The following UGT1A7 variants were observed in gnomAD, a reference collection of about 807,000 sequenced individuals.
UGT1A7 encodes UDP glucuronosyltransferase family 1 member A7, also known as UDP-glucuronosyltransferase 1A7.
In UGT1A7, 33 loss-of-function variants were observed where a neutral mutation model predicts 45.6. The observed-to-expected ratio is 0.72, with a 90% confidence interval of 0.55 to 0.97. UGT1A7 has a LOEUF of 0.97. Ranked by LOEUF, UGT1A7 falls within the 50% of genes least tolerant of loss-of-function variation. The pLI is 0.00. For missense variants in UGT1A7, 684 were observed against 666.2 expected (o/e 1.03, Z -0.29); for synonymous variants, 274 against 250.6 (o/e 1.09, Z -0.88).
chr2:233,749,735 T>C (rs1694263378), intron 1 of UGT1A7, among the ~76,000 whole-genome samples: 1 of 151,892 alleles, frequency 6.6e-6, no homozygotes, highest in Non-Finnish European at 1.5e-5. Context: ...CACCTGCTGG[T>C]CTCATCATAG....
At position 233,725,197 on chromosome 2, in the gene UGT1A7, C is replaced by G. The variant is rs183860264; in HGVS notation, c.856-41837C>G. 1.8e-3 allele frequency among the ~76,000 whole-genome samples: 143 copies of G among 80,676 alleles called. 7 individuals are homozygous for G. The highest frequency in any genetic ancestry group is 6.4e-3 in the Middle Eastern group (1 of 156). The allele number at this position is 80,676 out of a possible 152,430, so 52.9% of individuals were successfully genotyped here. A position where few individuals can be genotyped will look rare whatever the true frequency, so the allele number is the denominator to read the frequency against. On this transcript the variant is annotated intron_variant, in intron 1 of 4. Transcript: ENST00000373426. ...CCGTGGGGAGAGGCAGAGGCAGAGG[C>G]AGAGGCAGAGGCAGAGGCAGAGGAG...
At chr2:233,700,791 A>C (rs1037537460) in intron 1 of UGT1A7, among the ~76,000 whole-genome samples, 1 of 152,118 alleles carries the variant, frequency 6.6e-6, no homozygotes, top group Non-Finnish European at 1.5e-5. Context: ...TTACATATGT[A>C]TACATGTGCC....
At chr2:233,701,957 A>T (rs1342088901) in intron 1 of UGT1A7, among the ~76,000 whole-genome samples, 1 of 152,218 alleles carries the variant, frequency 6.6e-6, no homozygotes, top group Non-Finnish European at 1.5e-5. Context: ...GAGCAAACAC[A>T]TTCAAAAGCT....
rs567676971 is a variant in UGT1A7 at position 233,725,173 on chromosome 2, C to T, written c.856-41861C>T. 7.4e-5 allele frequency among the ~76,000 whole-genome samples: 7 copies of T among 94,254 alleles called. 2 individuals are homozygous for T. The highest frequency in any genetic ancestry group is 3.8e-4 in the African/African-American group (6 of 15,610). 61.8% of individuals were successfully genotyped at this position (94,254 alleles called of 152,430 possible). Reference sequence around the variant, plus strand: ...CTTCGGCTCTGCATGAGAGGGAGACCGTGGGGAGAGGCAGAGGCAGAGGCA... The same window carrying T: ...CTTCGGCTCTGCATGAGAGGGAGACTGTGGGGAGAGGCAGAGGCAGAGGCA... On this transcript the variant is annotated intron_variant, in intron 1 of 4. Transcript: ENST00000373426.
chr2:233,755,285 A>G (rs1468695441), intron 1 of UGT1A7: 11 of 681,694 alleles, frequency 1.6e-5, no homozygotes, highest in Non-Finnish European at 2.3e-6. Context: ...ACTGCCAAAG[A>G]GCCTGCGGGG....
At chr2:233,700,875 CCCCCA>C (rs555944194) in intron 1 of UGT1A7, among the ~76,000 whole-genome samples, 3 of 152,002 alleles carry the variant, frequency 2.0e-5, no homozygotes, top group Non-Finnish European at 4.4e-5. Context: ...CTCCCTCCTC[CCCCCA>C]CCCCACAACA....
rs780016114 is a variant in UGT1A7, at chr2:233,760,397, G to T, written c.856-6637G>T. 2.0e-5 allele frequency: 33 copies of T among 1,614,006 alleles called. No homozygotes were observed. The highest frequency in any genetic ancestry group is 2.7e-5 in the Non-Finnish European group (32 of 1,180,022). The stretch of plus-strand genomic sequence containing the variant: ...AAGATACTGTTGATCCCAGTGGATG[G>T]CAGCCACTGGCTGAGCATGCTTGGG... On this transcript the variant is annotated intron_variant, in intron 1 of 4. Coordinates refer to ENST00000373426, the MANE Select transcript of UGT1A7 (RefSeq NM_019077.3).
chr2:233,703,579 A>G (rs2075744144), intron 1 of UGT1A7, among the ~76,000 whole-genome samples: 2 of 151,928 alleles, frequency 1.3e-5, no homozygotes, highest in South Asian at 4.1e-4. Context: ...TAAGGTCTAT[A>G]TTATCTTGCT....
At chr2:233,719,572 A>C in intron 1 of UGT1A7, 1 of 1,613,858 alleles carries the variant, frequency 6.2e-7, no homozygotes, top group South Asian at 1.1e-5. Flanking sequence ...CTTGTCAGCT[A>C]TGCATCCGTG....
At chr2:233,768,093 C>T in intron 3 of UGT1A7, 127 bp from the exon 4 acceptor site, 1 of 1,591,452 alleles carries the variant, frequency 6.3e-7, no homozygotes, top group Non-Finnish European at 8.6e-7. Context: ...CCCACATTTT[C>T]TTCTGCAAAT....
intron 1 of UGT1A7, among the ~76,000 whole-genome samples, chr2:233,711,310 G>T (rs1337998039): frequency 6.6e-6 from 1 of 152,194 alleles, no homozygotes; most frequent in Non-Finnish European, 1.5e-5. Context: ...AGATGACATT[G>T]GTGTCTAAAC....
intron 1 of UGT1A7, among the ~76,000 whole-genome samples, chr2:233,762,202 T>C (rs1698001296): frequency 2.0e-5 from 3 of 152,160 alleles, no homozygotes; most frequent in Admixed American, 1.3e-4. Flanking sequence ...GGTCTGCATG[T>C]ATTTGGCGCC....
intron 1 of UGT1A7, chr2:233,713,817 A>C: frequency 1.2e-6 from 2 of 1,614,092 alleles, no homozygotes; most frequent in East Asian, 2.2e-5. Flanking sequence ...CATGGTCTTC[A>C]TTGGGGGCAT....
At chr2:233,739,301 C>A (rs1691042342) in intron 1 of UGT1A7, among the ~76,000 whole-genome samples, 1 of 152,160 alleles carries the variant, frequency 6.6e-6, no homozygotes, top group Non-Finnish European at 1.5e-5. Context: ...TGGGGCACTG[C>A]CTAGTGGAGT....
At chr2:233,693,644 G>A in intron 1 of UGT1A7, 1 of 1,614,158 alleles carries the variant, frequency 6.2e-7, no homozygotes, top group Non-Finnish European at 8.5e-7. Flanking sequence ...CAACTTCCTT[G>A]TTAATTTGTT....
intron 1 of UGT1A7, among the ~76,000 whole-genome samples, chr2:233,761,874 G>A (rs569608885): frequency 2.0e-5 from 3 of 152,320 alleles, no homozygotes; most frequent in East Asian, 1.9e-4. Context: ...TTCAGAGAGC[G>A]TTCATTCACT....
At chr2:233,704,122 C>T (rs1488202849) in intron 1 of UGT1A7, among the ~76,000 whole-genome samples, 2 of 152,014 alleles carry the variant, frequency 1.3e-5, no homozygotes, top group African/African-American at 4.8e-5. Flanking sequence ...AACTCCTTAC[C>T]TCAAGTGATC....
At chr2:233,733,474 A>T (rs894713711) in intron 1 of UGT1A7, among the ~76,000 whole-genome samples, 1 of 152,316 alleles carries the variant, frequency 6.6e-6, no homozygotes, top group Admixed American at 6.5e-5. Context: ...TTATTTTGAG[A>T]TACTTCCATC....
chr2:233,760,477 G>A (rs775184773), intron 1 of UGT1A7: 6 of 1,614,242 alleles, frequency 3.7e-6, no homozygotes, highest in South Asian at 2.2e-5. Flanking sequence ...AGCACCTGAC[G>A]CCTCGTTGTA....
Sources: gnomAD v4.1 joint callset for allele counts (sites outside exome capture counted in the v4.1 genomes callset) on GRCh38, gnomAD v4.1.1 for gene constraint, MANE v1.5 for transcripts, NCBI Gene and HGNC (gene_info 2026-07-23, HGNC 2026-07-21) for gene names.